Variants in CHTF18 observed in about 807,000 individuals in gnomAD.
CHTF18 encodes the protein chromosome transmission fidelity factor 18, also known as chromosome transmission fidelity protein 18 homolog.
A neutral mutation model predicts 113.4 loss-of-function variants in CHTF18; 151 were observed. The observed-to-expected ratio is 1.33, with a 90% CI of 1.17 to 1.52. The LOEUF is 1.52. Ranked by LOEUF, CHTF18 falls within the 40% of genes most tolerant of loss-of-function variation. The probability of loss-of-function intolerance (pLI) is 0.00; values close to 1 mark genes in which losing one functional copy is unlikely to be tolerated. For missense variants in CHTF18, 1,982 were observed against 1,381.6 expected (o/e 1.43, Z -6.89); for synonymous variants, 916 against 598.8 (o/e 1.53, Z -7.74).
intron 15 of CHTF18, chr16:794,860 G>C: frequency 2.0e-6 from 1 of 488,514 alleles, no homozygotes; most frequent in East Asian, 3.7e-5. Context: ...TCACCCCCTC[G>C]TGTCAGTCTC....
chr16:792,927 G>C lies in CHTF18; in HGVS notation c.1573-39G>C, dbSNP rs764299317. 3.9e-5 allele frequency: 60 copies of C among 1,543,338 alleles called. No individual in the cohort carries two copies. The Admixed American group carries it at 1.2e-3, about 30-fold the overall frequency. Reference sequence around the variant, plus strand: ...ACCCTGGTAACCCCTGAAAGGATGGGGCATACCATCGGGCCCTCCAGCAGC... The same window carrying C: ...ACCCTGGTAACCCCTGAAAGGATGGCGCATACCATCGGGCCCTCCAGCAGC... On this transcript the variant is annotated intron_variant, in intron 12 of 21. Coordinates refer to ENST00000262315, the MANE Select transcript of CHTF18 (RefSeq NM_022092.3).
At position 790,891 on chromosome 16, in the gene CHTF18, A is replaced by G. The variant is rs2042178889; in HGVS notation, c.894+225A>G. 9 of 1,431,912 alleles carry G rather than the reference A, an allele frequency of 6.3e-6. No homozygotes were observed. In the South Asian group the frequency reaches 1.1e-4, roughly 17 times the overall value. 88.7% of individuals were successfully genotyped at this position (1,431,912 alleles called of 1,614,324 possible). On this transcript the variant is annotated intron_variant, in intron 7 of 21. Coordinates refer to ENST00000262315, the MANE Select transcript of CHTF18 (RefSeq NM_022092.3). ...AGGGGTCCAGGGTGTCACCTGATCCAAGTCTCTGTTCCCTTTCCTACCTTC... is the reference window on the plus strand; with the variant it reads ...AGGGGTCCAGGGTGTCACCTGATCCGAGTCTCTGTTCCCTTTCCTACCTTC...
chr16:791,267 T>A lies in CHTF18; in HGVS notation c.1001T>A (p.Val334Asp), dbSNP rs778594129. The change falls in exon 8 of 22, where the codon GTC becomes GAC. Residue 334 changes from valine to aspartate, a missense_variant. By Grantham distance (152) the Val-to-Asp change is radical. Coordinates refer to ENST00000262315, the MANE Select transcript of CHTF18 (RefSeq NM_022092.3). ...KPRPSVEPAR[V>D]SKEATAPGKW... ...AGGCCCAGTGTTGAGCCGGCCCGGGTCAGCAAGGAGGCCACAGCCCCAGGC... is the reference window on the plus strand; with the variant it reads ...AGGCCCAGTGTTGAGCCGGCCCGGGACAGCAAGGAGGCCACAGCCCCAGGC... The A allele has an allele frequency of 6.2e-7, 1 of 1,610,670 alleles. No individual in the cohort carries two copies. Among genetic ancestry groups the A allele is most frequent in the South Asian group, 1.1e-5 (1 of 90,738 alleles).
rs1474015747 is a variant in CHTF18, at chr16:790,107, C to G, written c.607-70C>G. 5.2e-6 allele frequency: 8 copies of G among 1,542,378 alleles called. No individual in the cohort carries two copies. In the African/African-American group the frequency reaches 5.5e-5, roughly 11 times the overall value. ...GTTGTCCCACCCGGGTCCCTGAGCA[C>G]TGATGGGGGCTGACGTGAATCCTGT... is the stretch of plus-strand genomic sequence containing the variant. On this transcript the variant is annotated intron_variant, in intron 4 of 21. Transcript: ENST00000262315.
In CHTF18 at chr16:791,341, C is replaced by A; in HGVS notation, c.1075C>A (p.Leu359Met). ...GCTGGAGGAGATGCTGGAGGCTGGG[C>A]TGGACCCGAGCCAGCGACCGAAGCA... Reference protein sequence around the residue: ...QVLEEMLEAGLDPSQRPKQKV... With the variant: ...QVLEEMLEAGMDPSQRPKQKV... The change falls in exon 8 of 22, where the codon CTG becomes ATG. Residue 359 changes from leucine (L) to methionine (M), a missense_variant. Physicochemically the swap from Leu to Met is conservative, Grantham distance 15 (BLOSUM62 2). Transcript: ENST00000262315. 1 of 1,606,834 alleles carries A rather than the reference C, an allele frequency of 6.2e-7. No homozygotes were observed. The highest frequency in any genetic ancestry group is 8.5e-7 in the Non-Finnish European group (1 of 1,178,690).
At position 789,333 on chromosome 16, in the gene CHTF18, A is replaced by G. The variant is rs1171622364; in HGVS notation, c.410A>G (p.Glu137Gly). The G allele has an allele frequency of 6.2e-7, 1 of 1,600,796 alleles. No individual in the cohort carries two copies. The highest frequency in any genetic ancestry group is 8.5e-7 in the Non-Finnish European group (1 of 1,174,134). Residue 137 changes from glutamate to glycine, a missense_variant, in exon 3 of 22, where the codon GAG becomes GGG. Transcript: ENST00000262315. ...PTDITPPPSP[E>G]DLAELWGHGV... is the part of the protein sequence containing the mutation. ...GACATCACCCCGCCGCCGAGCCCTG[A>G]GGACCTCGCAGAGCTTTGGGGCCAC...
In CHTF18 at chr16:790,211, G is replaced by A. The variant is rs1350228858; in HGVS notation, c.641G>A (p.Gly214Asp). ...CTCCACGTCCCATGGCGAGGCGGTG[G>A]CCAGCTGGACCTGCTGGGTGTGTCC... ...SLLHVPWRGG[G>D]QLDLLGVSLA... Residue 214 changes from glycine to aspartate, a missense_variant, in exon 5 of 22, where the codon GGC (glycine) becomes GAC (aspartate). Coordinates refer to ENST00000262315, the MANE Select transcript of CHTF18 (RefSeq NM_022092.3). 1.9e-6 allele frequency: 3 copies of A among 1,605,158 alleles called. 1 individual carries two copies. The highest frequency in any genetic ancestry group is 1.7e-6 in the Non-Finnish European group (2 of 1,176,780).
intron 14 of CHTF18, among the ~76,000 whole-genome samples, 188 bp downstream of exon 14, chr16:793,462 G>A (rs1450898572): frequency 2.0e-5 from 3 of 152,110 alleles, no homozygotes; most frequent in Non-Finnish European, 4.4e-5. Flanking sequence ...CAGCCTTGGG[G>A]GGTCAGCTAG....
chr16:795,391 C>T (rs1252922128), intron 16 of CHTF18, 35 bp downstream of exon 16: 2 of 1,505,164 alleles, frequency 1.3e-6, no homozygotes. Flanking sequence ...TGCCCCCGGC[C>T]CCGTGCCCGC....
At chr16:791,626 C>G (rs2042198241) in intron 8 of CHTF18, 4 of 1,428,490 alleles carry the variant, frequency 2.8e-6, no homozygotes, top group Non-Finnish European at 3.6e-6. Flanking sequence ...GCCAGTCACA[C>G]TGGTATCAGC....
In CHTF18 at chr16:791,171, G is replaced by A. The variant is rs772811355; in HGVS notation, c.905G>A (p.Arg302His). ...CCGTCCTTCCCGCAGTTCACCAACC[G>A]CTGCCTGCTCAAGTGGCTGAAGTTG... ...TELLSDDFTN[R>H]CLLKWLKLWD... Residue 302 changes from arginine (R) to histidine (H), a missense_variant, in exon 8 of 22, where the codon CGC becomes CAC. Arg to His is a conservative substitution (Grantham distance 29). Coordinates refer to ENST00000262315, the MANE Select transcript of CHTF18 (RefSeq NM_022092.3). 1.1e-5 allele frequency: 17 copies of A among 1,610,484 alleles called. No individual in the cohort carries two copies. The highest frequency in any genetic ancestry group is 1.3e-5 in the African/African-American group (1 of 75,040).
At chr16:797,436 G>C in intron 20 of CHTF18, among the ~76,000 whole-genome samples, 1 of 152,152 alleles carries the variant, frequency 6.6e-6, no homozygotes, top group East Asian at 1.9e-4. Flanking sequence ...CTTACCCTCA[G>C]CATGACCAGG....
Position 794,058 on chromosome 16 carries a change from C to T in CHTF18, c.1807C>T (p.Arg603Cys), listed in dbSNP as rs376589050. Residue 603 changes from arginine (R) to cysteine (C), a missense_variant, in exon 15 of 22, where the codon CGT becomes TGT. Arg to Cys is a radical substitution (Grantham distance 180, BLOSUM62 -3). Transcript: ENST00000262315. The stretch of plus-strand genomic sequence containing the variant: ...GCTTCAGCACCCCACCTGCAGGCGC[C>T]GTGTGGGCCAGGACCCCGCCCTGCC... ...VFQLPRAQRR[R>C]VGQDPALPAD... The T allele has an allele frequency of 8.2e-5, 132 of 1,609,518 alleles. No homozygotes were observed. The highest frequency in any genetic ancestry group is 5.5e-4 in the Middle Eastern group (3 of 5,466).
rs2042276537 is a variant in CHTF18 at position 794,174 on chromosome 16, T to C, written c.1923T>C (p.Ser641=). Residue 641 remains serine, a synonymous_variant, in exon 15 of 22, where the codon TCT becomes TCC. Transcript: ENST00000262315. ...RFYRVLHAAA[S]AGEHEKVVQG... ...ACCGTGTCCTGCATGCCGCTGCCTC[T>C]GCGGGCGAGCACGAGAAGGTGGTCC... is the stretch of plus-strand genomic sequence containing the variant. The C allele has an allele frequency of 1.2e-6, 2 of 1,612,058 alleles. No homozygotes were observed. Among genetic ancestry groups the C allele is most frequent in the Non-Finnish European group, 1.7e-6 (2 of 1,179,540 alleles).
Position 789,286 on chromosome 16 carries a change from C to T in CHTF18, c.363C>T (p.Pro121=), listed in dbSNP as rs377206689. 4.6e-5 allele frequency: 73 copies of T among 1,585,940 alleles called. No homozygotes were observed. The highest frequency in any genetic ancestry group is 1.7e-4 in the Middle Eastern group (1 of 5,892). ...GATCGGAGGAGATGGAGGAGCCGCCCCCTCCCGACTCCTCGCCGACGGACA... is the reference window on the plus strand; with the variant it reads ...GATCGGAGGAGATGGAGGAGCCGCCTCCTCCCGACTCCTCGCCGACGGACA... ...NFRSEEMEEP[P]PPDSSPTDIT... is the part of the protein sequence containing the mutation. Residue 121 remains proline (P), a synonymous_variant, in exon 3 of 22, where the codon CCC becomes CCT. Transcript: ENST00000262315.
At chr16:793,875 G>C (rs898259768) in intron 14 of CHTF18, 179 bp from the exon 15 acceptor site, 1 of 678,486 alleles carries the variant, frequency 1.5e-6, no homozygotes, top group Non-Finnish European at 2.5e-6. Context: ...GAATGTTTCA[G>C]GGGGTTGAGG....
chr16:794,429 C>T (rs137967622), intron 15 of CHTF18, among the ~76,000 whole-genome samples: 106 of 152,094 alleles, frequency 7.0e-4, no homozygotes, highest in South Asian at 2.1e-3. Context: ...TAGGGGCGGC[C>T]GTCTGACGGG....
rs2042083870 is a variant in CHTF18 at position 789,090 on chromosome 16, A to G, written c.251A>G (p.Asp84Gly). 6.5e-7 allele frequency: 1 copy of G among 1,533,348 alleles called. No homozygotes were observed. Among genetic ancestry groups the G allele is most frequent in the African/African-American group, 1.4e-5 (1 of 72,534 alleles). 95.0% of individuals were successfully genotyped at this position (1,533,348 alleles called of 1,614,324 possible). A position where few individuals can be genotyped will look rare whatever the true frequency, so the allele number is the denominator to read the frequency against. ...GGCGGCGCCAGGAAGAGGCAGGTGG[A>G]CGCCGACCTGCAGCCGGCCGGGTCC... ...SQGGARKRQV[D>G]ADLQPAGSLP... The change falls in exon 2 of 22, where the codon GAC becomes GGC. Residue 84 changes from aspartate (D) to glycine (G), a missense_variant. Asp to Gly is a moderately conservative substitution (Grantham distance 94). Coordinates refer to ENST00000262315, the MANE Select transcript of CHTF18 (RefSeq NM_022092.3).
rs1029120632 is a variant in CHTF18 at position 796,487 on chromosome 16, C to T, written c.2457-230C>T. 7 of 593,338 alleles carry T rather than the reference C, an allele frequency of 1.2e-5. No homozygotes were observed. In the African/African-American group the frequency reaches 1.3e-4, roughly 11 times the overall value. The allele number at this position is 593,338 out of a possible 1,614,324, so 36.8% of individuals were successfully genotyped here. On this transcript the variant is annotated intron_variant, in intron 18 of 21. Coordinates refer to ENST00000262315, the MANE Select transcript of CHTF18 (RefSeq NM_022092.3). ...ACGCTGAGTCACTCTCCGTGGCAGC[C>T]ATCGGCAGGTTTCATCATCATCCCA...
Sources: gnomAD v4.1 joint callset for allele counts (sites outside exome capture counted in the v4.1 genomes callset) on GRCh38, gnomAD v4.1.1 for gene constraint, MANE v1.5 for transcripts, NCBI Gene and HGNC (gene_info 2026-07-23, HGNC 2026-07-21) for gene names.